RASAL2: variants seen among roughly 807,000 people sequenced by gnomAD.
RASAL2 encodes the protein RAS protein activator like 2, also known as ras GTPase-activating protein nGAP.
RASAL2 carries 58 observed loss-of-function variants against 128.9 expected under a neutral mutation model. That is an observed-to-expected ratio of 0.45 (90% CI 0.36 to 0.56). The LOEUF is 0.56. Among genes scored for constraint, RASAL2 ranks in the 20% least tolerant of loss-of-function variants. The probability of loss-of-function intolerance (pLI) is 0.00; values close to 1 mark genes in which losing one functional copy is unlikely to be tolerated. For missense variants in RASAL2, 1,360 were observed against 1,601.6 expected, an observed-to-expected ratio of 0.85 and a Z score of 2.57; for synonymous variants, 561 against 580.8, an observed-to-expected ratio of 0.97 and a Z score of 0.49.
intron 1 of RASAL2, among the ~76,000 whole-genome samples, chr1:178,118,937 G>T (rs1208864727): frequency 1.3e-5 from 2 of 151,762 alleles, no homozygotes; most frequent in Non-Finnish European, 2.9e-5. Context: ...GTGTGATCTT[G>T]GCTCACTGCA....
intron 1 of RASAL2, chr1:178,121,070 A>G (rs1038978222): frequency 1.3e-5 from 2 of 152,100 alleles, no homozygotes; most frequent in Non-Finnish European, 2.9e-5. Flanking sequence ...TTCATACTAC[A>G]TTTTCAAGTT....
At chr1:178,103,128 A>G (rs1224030405) in intron 1 of RASAL2, among the ~76,000 whole-genome samples, 1 of 152,130 alleles carries the variant, frequency 6.6e-6, no homozygotes, top group East Asian at 1.9e-4. Flanking sequence ...TTTTACACGT[A>G]TGATAACCCA....
chr1:178,452,667 T>A lies in RASAL2; in HGVS notation c.2009+15T>A. The A allele has an allele frequency of 6.3e-7, 1 of 1,582,600 alleles. No homozygotes were observed. Among genetic ancestry groups the A allele is most frequent in the Non-Finnish European group, 8.7e-7 (1 of 1,151,966 alleles). On this transcript the variant is annotated intron_variant, in intron 11 of 17. Transcript: ENST00000367649. ...AACTTTGCCAAGTAGGTGATACTGT[T>A]GTAACCACTTTAAAAACACAGTTTA...
At chr1:178,308,262 T>C (rs1668086697) in intron 3 of RASAL2, among the ~76,000 whole-genome samples, 1 of 152,036 alleles carries the variant, frequency 6.6e-6, no homozygotes, top group African/African-American at 2.4e-5. Context: ...ATCAAAAGTC[T>C]TTTAGAGTCA....
In RASAL2 at chr1:178,451,706, A is replaced by G. The variant is rs1361637527; in HGVS notation, c.1763A>G (p.Asn588Ser). The G allele has an allele frequency of 3.7e-6, 6 of 1,612,976 alleles. No homozygotes were observed. The highest frequency in any genetic ancestry group is 5.1e-6 in the Non-Finnish European group (6 of 1,179,510). Reference sequence around the variant, plus strand: ...GAGCTGGCTTTCTGCAAGATCATCAACTCTTACTGGTGAGCTTATCTTATC... The same window carrying G: ...GAGCTGGCTTTCTGCAAGATCATCAGCTCTTACTGGTGAGCTTATCTTATC... ...CCELAFCKII[N>S]SYCVFPRELK... is the part of the protein sequence containing the mutation. Residue 588 changes from asparagine to serine, a missense_variant, in exon 10 of 18, where the codon AAC becomes AGC. By Grantham distance (46) the Asn-to-Ser change is conservative. Transcript: ENST00000367649.
chr1:178,378,653 T>TTGCAGTC (rs1380284727), intron 3 of RASAL2, among the ~76,000 whole-genome samples: 2 of 152,178 alleles, frequency 1.3e-5, no homozygotes, highest in Non-Finnish European at 2.9e-5. Flanking sequence ...ACCTTTATTT[T>TTGCAGTC]TGCAGTCTTT....
intron 1 of RASAL2, among the ~76,000 whole-genome samples, chr1:178,262,038 A>G (rs916441402): frequency 2.6e-5 from 4 of 152,086 alleles, no homozygotes; most frequent in Admixed American, 2.0e-4. Flanking sequence ...TGCTAGGGCT[A>G]TTTAAATTCT....
At chr1:178,366,639 T>C (rs1671419825) in intron 3 of RASAL2, among the ~76,000 whole-genome samples, 1 of 127,684 alleles carries the variant, frequency 7.8e-6, no homozygotes, top group South Asian at 2.7e-4. Context: ...TTGGACATCC[T>C]TTTGAAGTAT....
chr1:178,442,707 T>C lies in RASAL2; in HGVS notation c.960T>C (p.Arg320=). The change falls in exon 8 of 18, where the codon CGT becomes CGC. Residue 320 remains arginine, a synonymous_variant. Coordinates refer to ENST00000367649, the MANE Select transcript of RASAL2 (RefSeq NM_170692.4). Reference sequence around the variant, plus strand: ...GCAGGCGAGCTGAAAATGTTCTTCGTTTATGGATCATTGAAGCCAAGGACC... The same window carrying C: ...GCAGGCGAGCTGAAAATGTTCTTCGCTTATGGATCATTGAAGCCAAGGACC... The part of the protein sequence containing the change: ...DNCRRAENVL[R]LWIIEAKDLA... 1 of 1,612,322 alleles carries C rather than the reference T, an allele frequency of 6.2e-7. No individual in the cohort carries two copies. Among genetic ancestry groups the C allele is most frequent in the Non-Finnish European group, 8.5e-7 (1 of 1,179,156 alleles).
At chr1:178,170,466 ATG>A (rs1441069144) in intron 1 of RASAL2, among the ~76,000 whole-genome samples, 2 of 151,800 alleles carry the variant, frequency 1.3e-5, no homozygotes, top group Non-Finnish European at 2.9e-5. Context: ...ACAAGGGAAT[ATG>A]TAATTGGAAA....
intron 1 of RASAL2, among the ~76,000 whole-genome samples, chr1:178,112,510 A>G: frequency 6.6e-6 from 1 of 151,964 alleles, no homozygotes; most frequent in Non-Finnish European, 1.5e-5. Flanking sequence ...GGATCGCGAC[A>G]CTGCACTCCC....
intron 5 of RASAL2, among the ~76,000 whole-genome samples, chr1:178,438,102 TTGTGTGTGTGTGTGTGTG>T (rs58641965): frequency 4.9e-5 from 7 of 142,154 alleles, no homozygotes; most frequent in East Asian, 4.2e-4. Flanking sequence ...AAATGGTGGC[TTGTGTGTGTGTGTGTGTG>T]TGTGTGTGTG....
intron 9 of RASAL2, 56 bp downstream of exon 9, chr1:178,445,718 T>C: frequency 2.0e-6 from 3 of 1,516,904 alleles, no homozygotes; most frequent in Non-Finnish European, 2.7e-6. Flanking sequence ...TTTAAGCTAT[T>C]TCACCCCCAT....
intron 1 of RASAL2, among the ~76,000 whole-genome samples, chr1:178,252,906 C>G (rs1048540484): frequency 1.3e-5 from 2 of 152,224 alleles, no homozygotes; most frequent in African/African-American, 4.8e-5. Context: ...CTATATTGGT[C>G]TCAATCTACC....
intron 1 of RASAL2, among the ~76,000 whole-genome samples, chr1:178,237,118 G>A (rs898000533): frequency 6.6e-6 from 1 of 151,910 alleles, no homozygotes. Context: ...ATAATCCTGC[G>A]AGGGAGTGTT....
intron 1 of RASAL2, among the ~76,000 whole-genome samples, chr1:178,118,154 ACT>A (rs1659580769): frequency 6.7e-6 from 1 of 148,756 alleles, no homozygotes; most frequent in Non-Finnish European, 1.5e-5. Context: ...TAAGAACGAG[ACT>A]CTGTTTAAAA....
At chr1:178,214,848 A>G (rs1663373495) in intron 1 of RASAL2, among the ~76,000 whole-genome samples, 1 of 152,016 alleles carries the variant, frequency 6.6e-6, no homozygotes, top group African/African-American at 2.4e-5. Flanking sequence ...ATGAGCCACC[A>G]TGCCTGGCCC....
At chr1:178,289,779 C>T (rs1667194411) in intron 2 of RASAL2, among the ~76,000 whole-genome samples, 2 of 152,194 alleles carry the variant, frequency 1.3e-5, no homozygotes, top group South Asian at 2.1e-4. Context: ...TTCCAAGTTT[C>T]AAAGGCCAAA....
chr1:178,094,489 C>T lies in RASAL2; in HGVS notation c.-4C>T, dbSNP rs1658594402. On this transcript the variant is annotated 5_prime_UTR_variant, in exon 1 of 18. Transcript: ENST00000367649. ...GCCTCGTCCCCCTCCCGCCTCGGGG[C>T]ACCATGGAGCTCTCTCCGTCGTCCG... 1 of 1,548,298 alleles carries T rather than the reference C, an allele frequency of 6.5e-7. No individual in the cohort carries two copies. Among genetic ancestry groups the T allele is most frequent in the East Asian group, 2.4e-5 (1 of 40,932 alleles).
Sources: allele counts gnomAD v4.1 joint callset (sites outside exome capture counted in the v4.1 genomes callset), GRCh38; gene constraint gnomAD v4.1.1; transcripts MANE v1.5; gene names NCBI Gene and HGNC (gene_info 2026-07-23, HGNC 2026-07-21).